The following TRPC4 variants were observed in gnomAD, a reference collection of about 807,000 sequenced individuals.
The protein encoded by TRPC4 is transient receptor potential cation channel subfamily C member 4.
TRPC4 carries 49 observed loss-of-function variants against 99.4 expected under a neutral mutation model. The ratio of observed to expected loss-of-function variants is 0.49; its 90% confidence interval spans 0.39 to 0.63. The LOEUF is 0.63. Ranked by LOEUF, TRPC4 falls within the 20% of genes least tolerant of loss-of-function variation. TRPC4 has a pLI of 0.00. For missense variants in TRPC4, 898 were observed against 1,152.9 expected (o/e 0.78, Z 3.20); for synonymous variants, 454 against 425.9 (o/e 1.07, Z -0.81).
At chr13:37,834,551 C>T (rs932845225) in intron 1 of TRPC4, among the ~76,000 whole-genome samples, 1 of 152,138 alleles carries the variant, frequency 6.6e-6, no homozygotes, top group Non-Finnish European at 1.5e-5. Context: ...CATAAATTCC[C>T]AACTAAATTC....
At chr13:37,819,964 A>G (rs1297218625) in intron 1 of TRPC4, among the ~76,000 whole-genome samples, 6 of 152,022 alleles carry the variant, frequency 3.9e-5, no homozygotes, top group Non-Finnish European at 8.8e-5. Context: ...AACCAAAGGA[A>G]ATTGAGATGT....
intron 2 of TRPC4, among the ~76,000 whole-genome samples, chr13:37,747,884 G>A (rs963232150): frequency 6.6e-6 from 1 of 152,064 alleles, no homozygotes; most frequent in African/African-American, 2.4e-5. Flanking sequence ...TTTTACTTTT[G>A]TGCACTTTGA....
At chr13:37,846,010 C>A (rs1481943198) in intron 1 of TRPC4, among the ~76,000 whole-genome samples, 1 of 152,036 alleles carries the variant, frequency 6.6e-6, no homozygotes, top group East Asian at 1.9e-4. Flanking sequence ...AGAAGAGAGG[C>A]AAATTCTATA....
In TRPC4 at chr13:37,636,773, TAA is replaced by T; in HGVS notation, c.*128_*129del. 1 of 1,052,808 alleles carries T rather than the reference TAA, an allele frequency of 9.5e-7. No homozygotes were observed. The allele number at this position is 1,052,808 out of a possible 1,614,324, so 65.2% of individuals were successfully genotyped here. On this transcript the variant is annotated 3_prime_UTR_variant, in exon 11 of 11. Transcript: ENST00000379705. ...TTGCCTTATTTAAACATGTTACAGG[TAA>T]TATGCCACAGCTGATAAACGCTATA...
At chr13:37,827,302 TC>T (rs1958258511) in intron 1 of TRPC4, among the ~76,000 whole-genome samples, 1 of 152,230 alleles carries the variant, frequency 6.6e-6, no homozygotes, top group Non-Finnish European at 1.5e-5. Context: ...CCAGCTTTGT[TC>T]CATTGCTGGT....
At chr13:37,728,309 G>A (rs1364107643) in intron 3 of TRPC4, among the ~76,000 whole-genome samples, 2 of 151,902 alleles carry the variant, frequency 1.3e-5, no homozygotes, top group Non-Finnish European at 2.9e-5. Context: ...CAAAAGAATA[G>A]TTAGAATTAA....
At chr13:37,655,718 T>C (rs1302395079) in intron 6 of TRPC4, among the ~76,000 whole-genome samples, 8 of 152,166 alleles carry the variant, frequency 5.3e-5, no homozygotes, top group African/African-American at 1.7e-4. Flanking sequence ...CATTCATTTA[T>C]GCATTTTCTA....
At chr13:37,769,203 G>C (rs1383543551) in intron 2 of TRPC4, among the ~76,000 whole-genome samples, 1 of 151,432 alleles carries the variant, frequency 6.6e-6, no homozygotes, top group South Asian at 2.1e-4. Flanking sequence ...TTAAGTTTTT[G>C]CCAGCCAGAT....
chr13:37,830,708 GT>G (rs1415978505), intron 1 of TRPC4, among the ~76,000 whole-genome samples: 3 of 146,628 alleles, frequency 2.0e-5, no homozygotes, highest in South Asian at 2.1e-4. Flanking sequence ...GCGAAATTCC[GT>G]TTTAAAAAAA....
At chr13:37,745,095 G>A (rs1955698838) in intron 3 of TRPC4, among the ~76,000 whole-genome samples, 1 of 151,976 alleles carries the variant, frequency 6.6e-6, no homozygotes, top group African/African-American at 2.4e-5. Flanking sequence ...AGTATTTACT[G>A]ATATAAATAA....
rs2985168 is a variant in TRPC4, at chr13:37,658,809, A to G, written c.1689-3526T>C. 4.1e-3 allele frequency among the ~76,000 whole-genome samples: 623 copies of G among 152,304 alleles called. 5 individuals carry two copies. The highest frequency in any genetic ancestry group is 0.014 in the African/African-American group (592 of 41,558). ...AACCTGGAAAGGAGCAGGAGGAAGT[A>G]TGTATTCACTGGTGGGAAACGGCAT... On this transcript the variant is annotated intron_variant, in intron 6 of 10. Coordinates refer to ENST00000379705, the MANE Select transcript of TRPC4 (RefSeq NM_016179.4).
chr13:37,708,878 A>G (rs111978846), intron 3 of TRPC4, among the ~76,000 whole-genome samples: 14 of 151,624 alleles, frequency 9.2e-5, no homozygotes, highest in Non-Finnish European at 1.9e-4. Context: ...ACTAATCTCT[A>G]CCTTCTCGGC....
At chr13:37,766,108 A>T (rs1005408898) in intron 2 of TRPC4, among the ~76,000 whole-genome samples, 1 of 151,536 alleles carries the variant, frequency 6.6e-6, no homozygotes, top group African/African-American at 2.4e-5. Flanking sequence ...AATGAAGCCT[A>T]CATGCAGTGA....
intron 1 of TRPC4, among the ~76,000 whole-genome samples, chr13:37,818,056 C>T (rs975634242): frequency 4.0e-5 from 6 of 151,880 alleles, no homozygotes; most frequent in South Asian, 2.1e-4. Context: ...TAAACTAAAG[C>T]GCTTTTGCAT....
intron 3 of TRPC4, among the ~76,000 whole-genome samples, chr13:37,718,780 T>C (rs1954761847): frequency 6.6e-6 from 1 of 151,918 alleles, no homozygotes; most frequent in Non-Finnish European, 1.5e-5. Context: ...ACCTTAAGTA[T>C]CCATGGGATA....
At chr13:37,674,011 T>TATAA (rs1952953532) in intron 5 of TRPC4, among the ~76,000 whole-genome samples, 1 of 152,142 alleles carries the variant, frequency 6.6e-6, no homozygotes, top group African/African-American at 2.4e-5. Context: ...GGGAATTGGG[T>TATAA]GATAACTTCT....
chr13:37,637,716 C>A (rs1951580659), intron 10 of TRPC4, 91 bp from the exon 11 acceptor site: 4 of 1,281,550 alleles, frequency 3.1e-6, no homozygotes, highest in Middle Eastern at 2.0e-4. Flanking sequence ...GAAATGTTTT[C>A]ACTCCTTTTT....
intron 3 of TRPC4, among the ~76,000 whole-genome samples, chr13:37,721,874 T>A (rs1055288786): frequency 6.6e-6 from 1 of 152,156 alleles, no homozygotes; most frequent in Non-Finnish European, 1.5e-5. Flanking sequence ...TGGGCTCATG[T>A]GATCCTCCCA....
At position 37,733,289 on chromosome 13, in the gene TRPC4, A is replaced by C. The variant is rs570123890; in HGVS notation, c.897+12648T>G. Among the ~76,000 whole-genome samples, 21 of 152,238 alleles carry C rather than the reference A, an allele frequency of 1.4e-4. 1 individual carries two copies. Among genetic ancestry groups the C allele is most frequent in the African/African-American group, 4.8e-4 (20 of 41,560 alleles). On this transcript the variant is annotated intron_variant, in intron 3 of 10. Coordinates refer to ENST00000379705, the MANE Select transcript of TRPC4 (RefSeq NM_016179.4). ...CCCAGTCCCAAAACACAGCGAGCCT[A>C]AGAATAAAGTCACTTCTGTTGCATT...
Sources: allele counts gnomAD v4.1 joint callset (sites outside exome capture counted in the v4.1 genomes callset), GRCh38; gene constraint gnomAD v4.1.1; transcripts MANE v1.5; gene names NCBI Gene and HGNC (gene_info 2026-07-23, HGNC 2026-07-21).